The following DDR2 variants were observed in gnomAD, a reference collection of about 807,000 sequenced individuals.
DDR2 encodes discoidin domain receptor tyrosine kinase 2, also known as discoidin domain-containing receptor 2.
DDR2 carries 27 observed loss-of-function variants against 94.9 expected under a neutral mutation model. The observed-to-expected ratio is 0.28, with a 90% CI of 0.21 to 0.39. DDR2 has a LOEUF of 0.39. Ranked by LOEUF, DDR2 falls within the 10% of genes least tolerant of loss-of-function variation. DDR2 has a pLI of 1.00. For missense variants in DDR2, 783 were observed against 1,076.0 expected, an observed-to-expected ratio of 0.73 and a Z score of 3.81; for synonymous variants, 382 against 377.2, an observed-to-expected ratio of 1.01 and a Z score of -0.15.
intron 3 of DDR2, among the ~76,000 whole-genome samples, chr1:162,752,162 A>AGAAAAG (rs1663244553): frequency 2.1e-4 from 1 of 4,706 alleles, no homozygotes; most frequent in Non-Finnish European, 2.2e-3. Context: ...AAGAGAAAAG[A>AGAAAAG]AAAAAAAAAA....
intron 2 of DDR2, among the ~76,000 whole-genome samples, chr1:162,699,669 A>G (rs905098236): frequency 1.3e-5 from 2 of 152,232 alleles, no homozygotes; most frequent in Non-Finnish European, 2.9e-5. Context: ...AAAGCAAAAT[A>G]TAGAATATCT....
chr1:162,638,941 C>T (rs183440169), intron 1 of DDR2, among the ~76,000 whole-genome samples: 252 of 152,094 alleles, frequency 1.7e-3, no homozygotes, highest in African/African-American at 5.9e-3. Context: ...TGGATATCAA[C>T]GAACTGATTC....
chr1:162,712,476 G>T (rs1297387579), intron 2 of DDR2, among the ~76,000 whole-genome samples: 1 of 151,888 alleles, frequency 6.6e-6, no homozygotes, highest in Non-Finnish European at 1.5e-5. Flanking sequence ...ATTTCTAGTT[G>T]TGGCTGCCAC....
chr1:162,752,036 A>T lies in DDR2; in HGVS notation c.83-1059A>T, dbSNP rs151300559. 2.3e-3 allele frequency among the ~76,000 whole-genome samples: 357 copies of T among 152,138 alleles called. 3 individuals are homozygous for T. The highest frequency in any genetic ancestry group is 8.2e-3 in the African/African-American group (342 of 41,484). Reference sequence around the variant, plus strand: ...GGGGAGGAATGGCATTAAGAGAAATACCTATTGTAAATGACGAGTTAATGG... The same window carrying T: ...GGGGAGGAATGGCATTAAGAGAAATTCCTATTGTAAATGACGAGTTAATGG... On this transcript the variant is annotated intron_variant, in intron 3 of 17. Transcript: ENST00000367921.
At chr1:162,776,433 C>A in intron 16 of DDR2, 63 bp downstream of exon 16, 1 of 1,516,946 alleles carries the variant, frequency 6.6e-7, no homozygotes, top group Non-Finnish European at 9.2e-7. Flanking sequence ...ATGCATGACA[C>A]GTGGAGACAA....
At chr1:162,675,229 G>C (rs1022843498) in intron 2 of DDR2, among the ~76,000 whole-genome samples, 2 of 152,226 alleles carry the variant, frequency 1.3e-5, no homozygotes, top group Non-Finnish European at 2.9e-5. Context: ...ATGGTCCAGG[G>C]ATGATGCTGG....
At chr1:162,656,385 C>A (rs2101910627) in intron 2 of DDR2, among the ~76,000 whole-genome samples, 1 of 152,260 alleles carries the variant, frequency 6.6e-6, no homozygotes, top group South Asian at 2.1e-4. Flanking sequence ...TTCTTACATT[C>A]CCCAGAAGAT....
intron 1 of DDR2, among the ~76,000 whole-genome samples, chr1:162,633,969 G>GAAAGGTAGCTAATACATTTGAAACTC (rs1266202169): frequency 6.6e-6 from 1 of 152,204 alleles, no homozygotes; most frequent in African/African-American, 2.4e-5. Flanking sequence ...GTTGCTCAAG[G>GAAAGGTAGCTAATACATTTGAAACTC]AAAGGTAGCT....
At chr1:162,760,274 C>T (rs1046156260) in intron 8 of DDR2, among the ~76,000 whole-genome samples, 6 of 151,376 alleles carry the variant, frequency 4.0e-5, no homozygotes, top group Non-Finnish European at 7.4e-5. Context: ...ATTTTTAAGA[C>T]GCATAAAAAT....
intron 2 of DDR2, among the ~76,000 whole-genome samples, chr1:162,659,748 A>G (rs1403212793): frequency 1.3e-5 from 2 of 152,206 alleles, no homozygotes; most frequent in East Asian, 3.9e-4. Context: ...ATAACTATAA[A>G]CCATTTGGAA....
At chr1:162,677,234 G>A (rs942572622) in intron 2 of DDR2, among the ~76,000 whole-genome samples, 1 of 152,078 alleles carries the variant, frequency 6.6e-6, no homozygotes, top group Non-Finnish European at 1.5e-5. Flanking sequence ...CCTCCCTAAG[G>A]GTCCGGGCAG....
intron 2 of DDR2, among the ~76,000 whole-genome samples, chr1:162,658,417 T>C (rs1658115885): frequency 6.6e-6 from 1 of 152,168 alleles, no homozygotes; most frequent in Non-Finnish European, 1.5e-5. Flanking sequence ...GGACGATGGC[T>C]GTGCCAGGAT....
chr1:162,703,953 T>G (rs1481286076), intron 2 of DDR2, among the ~76,000 whole-genome samples: 1 of 152,182 alleles, frequency 6.6e-6, no homozygotes, highest in Non-Finnish European at 1.5e-5. Flanking sequence ...AGGAGACAGA[T>G]CTGCACATTC....
intron 3 of DDR2, among the ~76,000 whole-genome samples, chr1:162,730,243 C>T (rs1189202216): frequency 6.6e-6 from 1 of 151,986 alleles, no homozygotes; most frequent in Non-Finnish European, 1.5e-5. Context: ...CAAAGTGCAG[C>T]ACCAGGTCCA....
intron 1 of DDR2, among the ~76,000 whole-genome samples, chr1:162,643,886 A>G (rs1359200058): frequency 6.6e-6 from 1 of 152,222 alleles, no homozygotes; most frequent in Non-Finnish European, 1.5e-5. Context: ...GGCAAGGAGA[A>G]GCCTGGGAAG....
chr1:162,705,561 G>A (rs1660623865), intron 2 of DDR2, among the ~76,000 whole-genome samples: 2 of 152,178 alleles, frequency 1.3e-5, no homozygotes, highest in Non-Finnish European at 2.9e-5. Context: ...TACACCCGCT[G>A]GAGTGTTTAG....
chr1:162,777,845 T>TC (rs1647669359), intron 16 of DDR2: 1 of 152,446 alleles, frequency 6.6e-6, no homozygotes, highest in Non-Finnish European at 1.5e-5. Flanking sequence ...AGTCTGGCAT[T>TC]AATATGGTCA....
rs1647975287 is a variant in DDR2, at chr1:162,782,783, G to A, written c.*2537G>A. 1 of 151,910 alleles carries A rather than the reference G, an allele frequency of 6.6e-6. No individual in the cohort carries two copies. The highest frequency in any genetic ancestry group is 6.6e-5 in the Admixed American group (1 of 15,252). 9.4% of individuals were successfully genotyped at this position (151,910 alleles called of 1,614,324 possible). ...ATCATATTTAAAATGAACTTACAAT[G>A]TCTGAATTTTCCTGGCCTTGAGTCA... On this transcript the variant is annotated 3_prime_UTR_variant, in exon 18 of 18. Transcript: ENST00000367921.
chr1:162,696,733 C>G (rs756516313), intron 2 of DDR2, among the ~76,000 whole-genome samples: 8 of 152,290 alleles, frequency 5.3e-5, no homozygotes, highest in South Asian at 2.1e-4. Context: ...TCCACCCATA[C>G]CCTTGCTGTT....
Sources: allele counts gnomAD v4.1 joint callset (sites outside exome capture counted in the v4.1 genomes callset), GRCh38; gene constraint gnomAD v4.1.1; transcripts MANE v1.5; gene names NCBI Gene and HGNC (gene_info 2026-07-23, HGNC 2026-07-21).